TMPRSS15: variants seen among roughly 807,000 people sequenced by gnomAD.
The protein encoded by TMPRSS15 is transmembrane serine protease 15.
Under a neutral mutation model 125.3 loss-of-function variants are expected in TMPRSS15, and 128 were observed. The ratio of observed to expected loss-of-function variants is 1.02; its 90% CI spans 0.89 to 1.18. The LOEUF is 1.18. Among genes scored for constraint, TMPRSS15 ranks in the 50% most tolerant of loss-of-function variants. TMPRSS15 has a pLI of 0.00. For missense variants in TMPRSS15, 1,283 were observed against 1,212.7 expected (o/e 1.06, Z -0.86); for synonymous variants, 446 against 423.2 (o/e 1.05, Z -0.66).
In TMPRSS15 at chr21:18,326,544, C is replaced by G. The variant is rs779081663; in HGVS notation, c.1809G>C (p.Lys603Asn). ...TTCTGTTGGTGGTAGAGAACACATCCTTTACTGGGCCAGGCCCTGTGTACA... is the reference window on the plus strand; with the variant it reads ...TTCTGTTGGTGGTAGAGAACACATCGTTTACTGGGCCAGGCCCTGTGTACA... The part of the protein sequence containing the change: ...LAVYTGPGPV[K>N]DVFSTTNRMT... The change falls in exon 16 of 25, where the codon AAG (lysine) becomes AAC (asparagine). Residue 603 changes from lysine to asparagine, a missense_variant. Coordinates refer to ENST00000284885, the MANE Select transcript of TMPRSS15 (RefSeq NM_002772.3). The G allele has an allele frequency of 6.2e-7, 1 of 1,614,100 alleles. No homozygotes were observed. Among genetic ancestry groups the G allele is most frequent in the South Asian group, 1.1e-5 (1 of 91,074 alleles).
chr21:18,346,198 G>A (rs2075507078), intron 10 of TMPRSS15, among the ~76,000 whole-genome samples: 2 of 152,088 alleles, frequency 1.3e-5, no homozygotes, highest in African/African-American at 2.4e-5. Flanking sequence ...AAGTTTAAGA[G>A]TAGAGATTTG....
chr21:18,465,727 G>T (rs1404317024), intron 1 of TMPRSS15, among the ~76,000 whole-genome samples: 1 of 152,034 alleles, frequency 6.6e-6, no homozygotes, highest in Non-Finnish European at 1.5e-5. Flanking sequence ...CGTCTTCAAG[G>T]AGAACTACAA....
At chr21:18,356,254 A>C (rs2075623452) in intron 8 of TMPRSS15, among the ~76,000 whole-genome samples, 2 of 151,972 alleles carry the variant, frequency 1.3e-5, no homozygotes, top group Middle Eastern at 3.4e-3. Context: ...ATGGACGGGG[A>C]AGACCAACTT....
chr21:18,315,244 G>C lies in TMPRSS15; in HGVS notation c.1934C>G (p.Ala645Gly), dbSNP rs745742701. 1 of 1,612,384 alleles carries C rather than the reference G, an allele frequency of 6.2e-7. No homozygotes were observed. Among genetic ancestry groups the C allele is most frequent in the Admixed American group, 1.7e-5 (1 of 59,996 alleles). Residue 645 changes from alanine (A) to glycine (G), a missense_variant, in exon 17 of 25, where the codon GCA (alanine) becomes GGA (glycine). Transcript: ENST00000284885. ...TCCATTTTTACATTGAAAATGGTCT[G>C]CCTTGCATGGCTCTATGGGGAAAGA... is the stretch of plus-strand genomic sequence containing the variant. ...YHLGIPEPCK[A>G]DHFQCKNGEC...
chr21:18,319,965 C>A (rs1037973028), intron 16 of TMPRSS15, among the ~76,000 whole-genome samples: 2 of 152,138 alleles, frequency 1.3e-5, no homozygotes, highest in African/African-American at 4.8e-5. Flanking sequence ...CTGGTTGTTT[C>A]TACAAACCTT....
rs962286297 is a variant in TMPRSS15 at position 18,369,493 on chromosome 21, G to T, written c.664+2700C>A. On this transcript the variant is annotated intron_variant, in intron 6 of 24. Transcript: ENST00000284885. ...AATCAGAAGACGAAAACAATTTAAA[G>T]AAATCTTGTTTCAGCTATAGTCAGC... 4.6e-5 allele frequency among the ~76,000 whole-genome samples: 7 copies of T among 152,138 alleles called. No individual in the cohort carries two copies. In the East Asian group the frequency reaches 1.2e-3, roughly 25 times the overall value.
chr21:18,464,172 CAA>C (rs1163284712), intron 1 of TMPRSS15, among the ~76,000 whole-genome samples: 5,971 of 36,244 alleles, frequency 0.16, 98 homozygotes, highest in African/African-American at 0.33. Flanking sequence ...GACTCCGTCT[CAA>C]AAAAAAAAAA....
At chr21:18,280,347 T>C (rs9978155) in intron 22 of TMPRSS15, among the ~76,000 whole-genome samples, 130,197 of 152,026 alleles carry the variant, frequency 0.86, 56,235 homozygotes, top group African/African-American at 0.96. Flanking sequence ...GAGGGCAAGG[T>C]GGGTGGATCA....
At chr21:18,384,517 G>C (rs930815974) in intron 3 of TMPRSS15, among the ~76,000 whole-genome samples, 4 of 151,944 alleles carry the variant, frequency 2.6e-5, no homozygotes, top group African/African-American at 9.7e-5. Context: ...CATTTTAAAA[G>C]GTAACTTTTT....
chr21:18,432,511 G>T (rs946695325), intron 1 of TMPRSS15, among the ~76,000 whole-genome samples: 1 of 152,076 alleles, frequency 6.6e-6, no homozygotes, highest in Non-Finnish European at 1.5e-5. Flanking sequence ...AGTAGGGTGG[G>T]CTCCTAATCA....
At chr21:18,480,602 G>T (rs1030936252) in intron 1 of TMPRSS15, among the ~76,000 whole-genome samples, 1 of 151,746 alleles carries the variant, frequency 6.6e-6, no homozygotes, top group African/African-American at 2.4e-5. Context: ...TTTTGTCAGG[G>T]TGCTCAAGAT....
Position 18,294,655 on chromosome 21 carries a change from G to C in TMPRSS15, c.2262-3C>G, listed in dbSNP as rs376582963. ...AGGAATCCTGTAAACACTGTTGACTGTAATAGAAGAACAATCATATTTTTA... is the reference window on the plus strand; with the variant it reads ...AGGAATCCTGTAAACACTGTTGACTCTAATAGAAGAACAATCATATTTTTA... On this transcript the variant is annotated splice_polypyrimidine_tract_variant and splice_region_variant and intron_variant, in intron 19 of 24. Coordinates refer to ENST00000284885, the MANE Select transcript of TMPRSS15 (RefSeq NM_002772.3). The C allele has an allele frequency of 3.1e-6, 5 of 1,607,782 alleles. No homozygotes were observed. The highest frequency in any genetic ancestry group is 4.3e-6 in the Non-Finnish European group (5 of 1,174,328).
chr21:18,401,668 CA>C (rs1033193055), intron 1 of TMPRSS15, among the ~76,000 whole-genome samples: 3 of 152,044 alleles, frequency 2.0e-5, no homozygotes, highest in Non-Finnish European at 4.4e-5. Flanking sequence ...ATTCATACCC[CA>C]AACCTCAATA....
chr21:18,310,665 A>C (rs989031595), intron 18 of TMPRSS15, among the ~76,000 whole-genome samples: 9 of 152,070 alleles, frequency 5.9e-5, no homozygotes, highest in Non-Finnish European at 1.3e-4. Flanking sequence ...ATTTAATGCA[A>C]TCCCTATCAA....
At chr21:18,282,648 C>G (rs35008192) in intron 21 of TMPRSS15, among the ~76,000 whole-genome samples, 9,934 of 152,228 alleles carry the variant, frequency 0.065, 944 homozygotes, top group African/African-American at 0.21. Context: ...TGAAGAAATA[C>G]ACCTAAGTGC....
At chr21:18,271,870 C>T (rs928178217) in intron 24 of TMPRSS15, among the ~76,000 whole-genome samples, 2 of 152,148 alleles carry the variant, frequency 1.3e-5, no homozygotes, top group Non-Finnish European at 2.9e-5. Flanking sequence ...AGGATGATGG[C>T]TTCCAGCTTC....
intron 13 of TMPRSS15, among the ~76,000 whole-genome samples, chr21:18,339,020 C>G (rs898423552): frequency 6.6e-6 from 1 of 151,910 alleles, no homozygotes; most frequent in Non-Finnish European, 1.5e-5. Flanking sequence ...CTCCAAAGTC[C>G]TCTATCACTT....
intron 1 of TMPRSS15, among the ~76,000 whole-genome samples, chr21:18,449,216 G>A (rs938788531): frequency 6.6e-6 from 1 of 152,058 alleles, no homozygotes; most frequent in African/African-American, 2.4e-5. Flanking sequence ...ATACAATATA[G>A]AATTTCTATA....
intron 1 of TMPRSS15, among the ~76,000 whole-genome samples, chr21:18,479,715 G>T (rs946827944): frequency 1.3e-5 from 2 of 151,806 alleles, no homozygotes; most frequent in African/African-American, 4.8e-5. Flanking sequence ...TTAGAATGGC[G>T]ATCATTAAAA....
Sources: allele counts gnomAD v4.1 joint callset (sites outside exome capture counted in the v4.1 genomes callset), GRCh38; gene constraint gnomAD v4.1.1; transcripts MANE v1.5; gene names NCBI Gene and HGNC (gene_info 2026-07-23, HGNC 2026-07-21).